SEMA3E: variants seen among roughly 807,000 people sequenced by gnomAD.
SEMA3E encodes semaphorin 3E.
In SEMA3E, 49 loss-of-function variants were observed where a neutral mutation model predicts 93.6. The ratio of observed to expected loss-of-function variants is 0.52; its 90% CI spans 0.42 to 0.66. The LOEUF (loss-of-function observed/expected upper bound fraction) is 0.66. SEMA3E is among the 30% of genes least tolerant of loss of function. The probability of loss-of-function intolerance (pLI) is 0.00; values close to 1 mark genes in which losing one functional copy is unlikely to be tolerated. For missense variants in SEMA3E, 906 were observed against 964.8 expected (o/e 0.94, Z 0.81); for synonymous variants, 363 against 330.7 (o/e 1.10, Z -1.06).
intron 1 of SEMA3E, among the ~76,000 whole-genome samples, chr7:83,532,634 T>C (rs555438913): frequency 6.6e-6 from 1 of 152,256 alleles, no homozygotes; most frequent in East Asian, 1.9e-4. Context: ...TTCTCTGTGC[T>C]TACTCTTTCT....
At chr7:83,446,950 T>G (rs930450245) in intron 4 of SEMA3E, among the ~76,000 whole-genome samples, 3 of 152,304 alleles carry the variant, frequency 2.0e-5, no homozygotes, top group South Asian at 2.1e-4. Flanking sequence ...ATTAGAATAA[T>G]TTCATTCTTA....
chr7:83,418,385 A>G lies in SEMA3E; in HGVS notation c.550+5T>C, dbSNP rs1219343700. ...CCACCTGATGTCTGTGGCAATGACA[A>G]TTACCAATTAAAGTGGAGATGAAGG... On this transcript the variant is annotated splice_donor_5th_base_variant and intron_variant, in intron 5 of 16. Transcript: ENST00000643230. 20 of 1,598,152 alleles carry G rather than the reference A, an allele frequency of 1.3e-5. No homozygotes were observed. The highest frequency in any genetic ancestry group is 1.6e-5 in the Non-Finnish European group (19 of 1,167,000).
chr7:83,473,443 C>T (rs1007218331), intron 2 of SEMA3E, among the ~76,000 whole-genome samples: 1 of 152,210 alleles, frequency 6.6e-6, no homozygotes, highest in African/African-American at 2.4e-5. Context: ...CTCTATCCAT[C>T]ACCATCCCAG....
intron 1 of SEMA3E, among the ~76,000 whole-genome samples, chr7:83,494,200 G>A (rs372150434): frequency 4.1e-4 from 62 of 151,556 alleles, no homozygotes; most frequent in Non-Finnish European, 6.8e-4. Flanking sequence ...GAAGTCATCC[G>A]CTAATATCTG....
At chr7:83,493,873 G>A (rs868081043) in intron 1 of SEMA3E, among the ~76,000 whole-genome samples, 1 of 151,792 alleles carries the variant, frequency 6.6e-6, no homozygotes, top group African/African-American at 2.4e-5. Context: ...TAACATCCTT[G>A]ACTTTATTCA....
At chr7:83,559,147 A>C (rs575469839) in intron 1 of SEMA3E, among the ~76,000 whole-genome samples, 1 of 152,050 alleles carries the variant, frequency 6.6e-6, no homozygotes, top group African/African-American at 2.4e-5. Context: ...AACAAGTCCA[A>C]ATCTTTGCTA....
At chr7:83,517,333 C>T (rs1346503570) in intron 1 of SEMA3E, among the ~76,000 whole-genome samples, 1 of 152,150 alleles carries the variant, frequency 6.6e-6, no homozygotes, top group African/African-American at 2.4e-5. Flanking sequence ...AGTACTGTCA[C>T]TTGGAGAGAT....
At chr7:83,615,118 C>A (rs928008407) in intron 1 of SEMA3E, among the ~76,000 whole-genome samples, 2 of 152,044 alleles carry the variant, frequency 1.3e-5, no homozygotes, top group African/African-American at 2.4e-5. Flanking sequence ...CAATCTTCAT[C>A]ATAACTAATA....
chr7:83,648,880 C>CAA lies in SEMA3E; in HGVS notation c.-339_-338insTT. Reference sequence around the variant, plus strand: ...AGTCACTTGGGCAAAGCTGTTCATTCAGAAAAAAAAAAAAAAAAGAGAGAA... The same window carrying CAA: ...AGTCACTTGGGCAAAGCTGTTCATTCAAAGAAAAAAAAAAAAAAAAGAGAGAA... On this transcript the variant is annotated 5_prime_UTR_variant, in exon 1 of 17. Transcript: ENST00000643230. 2 of 120,036 alleles carry CAA rather than the reference C, an allele frequency of 1.7e-5. No individual in the cohort carries two copies. Among genetic ancestry groups the CAA allele is most frequent in the South Asian group, 2.6e-4 (1 of 3,912 alleles). The allele number at this position is 120,036 out of a possible 1,614,324, so 7.4% of individuals were successfully genotyped here. A position where few individuals can be genotyped will look rare whatever the true frequency, so the allele number is the denominator to read the frequency against.
At chr7:83,554,999 A>AATAAATAAATAAATAAATAAAT (rs1199513238) in intron 1 of SEMA3E, among the ~76,000 whole-genome samples, 1 of 147,668 alleles carries the variant, frequency 6.8e-6, no homozygotes. Context: ...TAAATAAATA[A>AATAAATAAATAAATAAATAAAT]AAATGGAAAA....
chr7:83,532,089 T>C (rs796490355), intron 1 of SEMA3E, among the ~76,000 whole-genome samples: 16 of 152,254 alleles, frequency 1.1e-4, no homozygotes, highest in African/African-American at 3.8e-4. Flanking sequence ...TTGAAGGAGA[T>C]AGTTCAATGC....
intron 4 of SEMA3E, among the ~76,000 whole-genome samples, chr7:83,429,461 C>T (rs1788838667): frequency 6.6e-6 from 1 of 152,166 alleles, no homozygotes; most frequent in Non-Finnish European, 1.5e-5. Context: ...AGGTATGCCA[C>T]GGTGTCCTAG....
intron 1 of SEMA3E, 89 bp from the exon 2 acceptor site, chr7:83,490,363 A>G (rs1052321295): frequency 1.5e-6 from 2 of 1,314,304 alleles, no homozygotes; most frequent in Admixed American, 3.7e-5. Context: ...TTTCATCCCT[A>G]TTGGAACTGA....
At chr7:83,399,334 A>C (rs1265413615) in intron 11 of SEMA3E, among the ~76,000 whole-genome samples, 2 of 152,220 alleles carry the variant, frequency 1.3e-5, no homozygotes, top group Non-Finnish European at 2.9e-5. Context: ...GGTTAATTGA[A>C]ATTACAAATT....
chr7:83,411,292 A>C (rs1310769363), intron 5 of SEMA3E, among the ~76,000 whole-genome samples: 3 of 152,112 alleles, frequency 2.0e-5, no homozygotes, highest in Non-Finnish European at 4.4e-5. Flanking sequence ...CACTCAGGAC[A>C]GAGAAAATTG....
At chr7:83,426,933 T>C (rs1392311138) in intron 4 of SEMA3E, among the ~76,000 whole-genome samples, 1 of 152,156 alleles carries the variant, frequency 6.6e-6, no homozygotes, top group Non-Finnish European at 1.5e-5. Context: ...ATTGTATTAA[T>C]CTATACTTTT....
chr7:83,393,723 G>T (rs1257435513), intron 13 of SEMA3E, among the ~76,000 whole-genome samples: 1 of 151,886 alleles, frequency 6.6e-6, no homozygotes, highest in Non-Finnish European at 1.5e-5. Context: ...AATAAATTTG[G>T]GGCAATATAT....
chr7:83,483,688 G>A (rs951113858), intron 2 of SEMA3E, among the ~76,000 whole-genome samples: 1 of 151,928 alleles, frequency 6.6e-6, no homozygotes, highest in Non-Finnish European at 1.5e-5. Flanking sequence ...CCAGAGCATG[G>A]GCTTAAGGAG....
At chr7:83,628,526 T>C (rs534790614) in intron 1 of SEMA3E, among the ~76,000 whole-genome samples, 10 of 151,908 alleles carry the variant, frequency 6.6e-5, no homozygotes, top group Non-Finnish European at 1.3e-4. Flanking sequence ...CATGCTTTAT[T>C]TAATTAAGTT....
Sources: allele counts gnomAD v4.1 joint callset (sites outside exome capture counted in the v4.1 genomes callset), GRCh38; gene constraint gnomAD v4.1.1; transcripts MANE v1.5; gene names NCBI Gene and HGNC (gene_info 2026-07-23, HGNC 2026-07-21).